POTEF: variants seen among roughly 807,000 people sequenced by gnomAD.
The protein encoded by POTEF is ANKRD26-like family C member 1B.
POTEF carries 20 observed loss-of-function variants against 83.2 expected under a neutral mutation model. The ratio of observed to expected loss-of-function variants is 0.24; its 90% CI spans 0.17 to 0.35. The LOEUF is 0.35. POTEF is among the 10% of genes least tolerant of loss of function. POTEF has a pLI of 1.00. For synonymous variants in POTEF, 196 were observed against 446.4 expected (o/e 0.44, Z 7.07); for missense variants, 550 against 1,203.2 (o/e 0.46, Z 8.03).
intron 11 of POTEF, among the ~76,000 whole-genome samples, chr2:130,098,373 C>G (rs1684304792): frequency 6.6e-6 from 1 of 150,676 alleles, no homozygotes; most frequent in Admixed American, 6.6e-5. Flanking sequence ...ATGTACAATC[C>G]CTTGGCAATA....
chr2:130,128,792 G>C (rs1404405216), intron 1 of POTEF, among the ~76,000 whole-genome samples: 1 of 130,268 alleles, frequency 7.7e-6, no homozygotes, highest in Non-Finnish European at 1.6e-5. Flanking sequence ...TCCCTGCCCC[G>C]GGCAGTGCAG....
chr2:130,080,145 CGGGGG>C lies in POTEF; in HGVS notation c.1779-2949_1779-2945del, dbSNP rs1294576041. 5.4e-4 allele frequency among the ~76,000 whole-genome samples: 2 copies of C among 3,730 alleles called. 1 individual carries two copies. Among genetic ancestry groups the C allele is most frequent in the African/African-American group, 1.2e-3 (2 of 1,610 alleles). 2.4% of individuals were successfully genotyped at this position (3,730 alleles called of 152,430 possible). A position where few individuals can be genotyped will look rare whatever the true frequency, so the allele number is the denominator to read the frequency against. ...ATAGAAACACAAAGCCAAACTATTG[CGGGGG>C]GGGGGGGGGGTTATCCTTATTTTTA... On this transcript the variant is annotated intron_variant, in intron 15 of 16. Transcript: ENST00000409914.
intron 5 of POTEF, among the ~76,000 whole-genome samples, chr2:130,114,218 T>G (rs902680480): frequency 1.3e-5 from 2 of 151,014 alleles, no homozygotes; most frequent in African/African-American, 2.5e-5. Context: ...TCTCCCAAAC[T>G]GAAAACTGTC....
At chr2:130,104,272 T>A (rs1487647222) in intron 8 of POTEF, among the ~76,000 whole-genome samples, 1 of 142,226 alleles carries the variant, frequency 7.0e-6, no homozygotes, top group African/African-American at 2.8e-5. Flanking sequence ...ATTTAACTAA[T>A]AATTGTGAAT....
intron 2 of POTEF, among the ~76,000 whole-genome samples, chr2:130,123,972 CT>C: frequency 1.1e-5 from 1 of 87,510 alleles, no homozygotes; most frequent in Non-Finnish European, 2.2e-5. Context: ...CAAGACAGAA[CT>C]GCAGATAAAA....
chr2:130,126,902 G>A (rs1273623454), intron 2 of POTEF, among the ~76,000 whole-genome samples: 1 of 151,922 alleles, frequency 6.6e-6, no homozygotes, highest in Non-Finnish European at 1.5e-5. Context: ...AAGAAGATGA[G>A]AAGAATACAC....
chr2:130,094,936 A>G (rs569215581), intron 11 of POTEF, among the ~76,000 whole-genome samples: 3,904 of 146,182 alleles, frequency 0.027, no homozygotes, highest in South Asian at 0.044. Context: ...AAATTAATAT[A>G]AAGAATGTAG....
chr2:130,108,337 T>C (rs1158458087), intron 7 of POTEF, among the ~76,000 whole-genome samples: 1 of 151,802 alleles, frequency 6.6e-6, no homozygotes, highest in African/African-American at 2.4e-5. Context: ...CATGACATAA[T>C]AGAAAGTGTC....
chr2:130,116,037 CG>C (rs1684835155), intron 3 of POTEF, among the ~76,000 whole-genome samples: 1 of 151,970 alleles, frequency 6.6e-6, no homozygotes, highest in Non-Finnish European at 1.5e-5. Context: ...ATAACAGGTC[CG>C]GGGCGGTTCC....
chr2:130,120,163 C>T lies in POTEF; in HGVS notation c.353G>A (p.Gly118Asp). 6.2e-7 allele frequency: 1 copy of T among 1,609,238 alleles called. No individual in the cohort carries two copies. Among genetic ancestry groups the T allele is most frequent in the Non-Finnish European group, 8.5e-7 (1 of 1,178,928 alleles). ...CCRGSSKSKV[G>D]AWGDYDDSAF... ...ACTGTCATCGTAGTCTCCCCAAGCG[C>T]CCACCTTGCTCTTGCTGCTCCCCCT... The change falls in exon 3 of 17, where the codon GGC becomes GAC. Residue 118 changes from glycine (G) to aspartate (D), a missense_variant. Physicochemically the swap from Gly to Asp is moderately conservative, Grantham distance 94 (BLOSUM62 -1). Transcript: ENST00000409914.
Position 130,110,763 on chromosome 2 carries a change from T to C in POTEF, c.918-83A>G, listed in dbSNP as rs559518742. On this transcript the variant is annotated intron_variant, in intron 6 of 16. Transcript: ENST00000409914. ...CTTTACCAATGTAACATCTTGCCTG[T>C]CTGTGCAGAATCAAACATTTACATG... The C allele has an allele frequency of 1.5e-4, 120 of 808,548 alleles. No individual in the cohort carries two copies. The East Asian group carries it at 3.0e-3, about 20-fold the overall frequency. The allele number at this position is 808,548 out of a possible 1,614,324, so 50.1% of individuals were successfully genotyped here.
intron 8 of POTEF, among the ~76,000 whole-genome samples, chr2:130,105,532 C>A (rs373313863): frequency 1.3e-4 from 19 of 151,642 alleles, no homozygotes; most frequent in African/African-American, 2.7e-4. Flanking sequence ...TCCAATCTGC[C>A]TTATGGCTTT....
chr2:130,127,091 G>A (rs1685109806), intron 2 of POTEF, among the ~76,000 whole-genome samples: 1 of 151,860 alleles, frequency 6.6e-6, no homozygotes, highest in Non-Finnish European at 1.5e-5. Context: ...GGAGGCCAAG[G>A]TGGGTGGATC....
intron 4 of POTEF, 57 bp from the exon 5 acceptor site, chr2:130,115,111 C>T: frequency 6.3e-7 from 1 of 1,597,886 alleles, no homozygotes; most frequent in Non-Finnish European, 8.5e-7. Flanking sequence ...AATAACATTC[C>T]ACAGCTTTCA....
intron 9 of POTEF, among the ~76,000 whole-genome samples, chr2:130,101,394 T>C (rs979858950): frequency 4.0e-5 from 6 of 149,298 alleles, no homozygotes; most frequent in Non-Finnish European, 8.8e-5. Context: ...TATGTACTAA[T>C]TTTCTGCAAC....
chr2:130,120,712 A>G, intron 2 of POTEF, 104 bp from the exon 3 acceptor site: 3 of 951,584 alleles, frequency 3.2e-6, no homozygotes, highest in Non-Finnish European at 4.6e-6. Context: ...CACCCGAGGA[A>G]AGCCCACGCC....
At chr2:130,083,379 G>A (rs1184642450) in intron 15 of POTEF, among the ~76,000 whole-genome samples, 21 of 152,010 alleles carry the variant, frequency 1.4e-4, no homozygotes, top group African/African-American at 4.1e-4. Context: ...ACTGAGCCAT[G>A]AGAAACAACA....
intron 1 of POTEF, among the ~76,000 whole-genome samples, 179 bp downstream of exon 1, chr2:130,128,892 CG>C (rs1342446812): frequency 4.9e-5 from 6 of 122,548 alleles, no homozygotes; most frequent in African/African-American, 2.1e-4. Context: ...CCCGCCACCA[CG>C]GGCAGTGTAG....
chr2:130,115,994 A>G (rs934461496), intron 3 of POTEF, among the ~76,000 whole-genome samples: 1 of 152,050 alleles, frequency 6.6e-6, no homozygotes, highest in African/African-American at 2.4e-5. Flanking sequence ...GCATCACACA[A>G]TCCCTGGTGT....
Sources: allele counts gnomAD v4.1 joint callset (sites outside exome capture counted in the v4.1 genomes callset), GRCh38; gene constraint gnomAD v4.1.1; transcripts MANE v1.5; gene names NCBI Gene and HGNC (gene_info 2026-07-23, HGNC 2026-07-21).